TNFAIP3: variants seen among roughly 807,000 people sequenced by gnomAD.
TNFAIP3 encodes TNF alpha induced protein 3, also known as tumor necrosis factor alpha-induced protein 3.
Under a neutral mutation model 72.4 loss-of-function variants are expected in TNFAIP3, and 9 were observed. The observed-to-expected ratio is 0.12, with a 90% CI of 0.07 to 0.22. TNFAIP3 has a LOEUF of 0.22. Among genes scored for constraint, TNFAIP3 ranks in the 10% least tolerant of loss-of-function variants. The pLI, the probability that TNFAIP3 is intolerant of heterozygous loss-of-function variation, is 1.00. For missense variants in TNFAIP3, 833 were observed against 1,018.7 expected (o/e 0.82, Z 2.48); for synonymous variants, 339 against 372.6 (o/e 0.91, Z 1.04).
At chr6:137,880,005 T>C in intron 7 of TNFAIP3, 66 bp from the exon 8 acceptor site, 3 of 1,433,882 alleles carry the variant, frequency 2.1e-6, no homozygotes, top group East Asian at 4.6e-5. Context: ...ATTTCTCTAC[T>C]GTCAGCATCT....
intron 1 of TNFAIP3, among the ~76,000 whole-genome samples, chr6:137,868,568 C>T (rs973244850): frequency 1.3e-5 from 2 of 151,586 alleles, no homozygotes; most frequent in African/African-American, 4.9e-5. Flanking sequence ...ACAATGCAGA[C>T]AAAAATGTCT....
At chr6:137,869,661 C>A (rs949727295) in intron 1 of TNFAIP3, among the ~76,000 whole-genome samples, 1 of 152,132 alleles carries the variant, frequency 6.6e-6, no homozygotes, top group Non-Finnish European at 1.5e-5. Context: ...GAGTGGGCCA[C>A]AAGAATTATC....
intron 8 of TNFAIP3, among the ~76,000 whole-genome samples, chr6:137,880,486 CAA>C (rs889502025): frequency 4.6e-5 from 7 of 152,136 alleles, no homozygotes; most frequent in African/African-American, 1.7e-4. Flanking sequence ...ATTTTAAAAA[CAA>C]AGAAACACAG....
Position 137,882,734 on chromosome 6 carries a change from C to A in TNFAIP3, c.*1415C>A. On this transcript the variant is annotated 3_prime_UTR_variant, in exon 9 of 9. Coordinates refer to ENST00000612899, the MANE Select transcript of TNFAIP3 (RefSeq NM_001270508.2). ...CTGTGTCCTGGGGGGGCTGGGAAGTCCCCTGCATCCCATGGTACCCTGGTA... is the reference window on the plus strand; with the variant it reads ...CTGTGTCCTGGGGGGGCTGGGAAGTACCCTGCATCCCATGGTACCCTGGTA... The A allele has an allele frequency of 4.3e-6, 1 of 232,430 alleles. No homozygotes were observed. Among genetic ancestry groups the A allele is most frequent in the East Asian group, 6.0e-5 (1 of 16,630 alleles). 14.4% of individuals were successfully genotyped at this position (232,430 alleles called of 1,614,324 possible).
Position 137,875,978 on chromosome 6 carries a change from TTCTC to T in TNFAIP3, c.635-16_635-13del, listed in dbSNP as rs781171267. Reference sequence around the variant, plus strand: ...AGTCACCTAAGGGCCTCATTTTCCTTTCTCTTTCTTTGAACAGACAAAATGCTAA... The same window carrying T: ...AGTCACCTAAGGGCCTCATTTTCCTTTTTCTTTGAACAGACAAAATGCTAA... On this transcript the variant is annotated splice_polypyrimidine_tract_variant and intron_variant, in intron 4 of 8. Transcript: ENST00000612899. The T allele has an allele frequency of 6.8e-6, 11 of 1,608,014 alleles. No individual in the cohort carries two copies. In the African/African-American group the frequency reaches 9.4e-5, roughly 14 times the overall value.
chr6:137,879,217 T>G lies in TNFAIP3; in HGVS notation c.1772T>G (p.Leu591Arg). The change falls in exon 7 of 9, where the codon CTG (leucine) becomes CGG (arginine). Residue 591 changes from leucine to arginine, a missense_variant. Leu to Arg is a moderately radical substitution (Grantham distance 102). This residue lies in a region of TNFAIP3 where 587 missense variants were observed against 657.8 expected (regional missense o/e 0.89). Coordinates refer to ENST00000612899, the MANE Select transcript of TNFAIP3 (RefSeq NM_001270508.2). ...GGAAACGACGCCCCTGCTGGCTGCCTGTCTCAAGCTGCACGGACTCCTGGG... is the reference window on the plus strand; with the variant it reads ...GGAAACGACGCCCCTGCTGGCTGCCGGTCTCAAGCTGCACGGACTCCTGGG... ...RAGNDAPAGC[L>R]SQAARTPGDR... 6.2e-7 allele frequency: 1 copy of G among 1,614,140 alleles called. No individual in the cohort carries two copies. Among genetic ancestry groups the G allele is most frequent in the Non-Finnish European group, 8.5e-7 (1 of 1,180,020 alleles).
At chr6:137,875,973 T>C (rs765570875) in intron 4 of TNFAIP3, 23 bp from the exon 5 acceptor site, 1 of 1,607,410 alleles carries the variant, frequency 6.2e-7, no homozygotes, top group Non-Finnish European at 8.5e-7. Context: ...GGGCCTCATT[T>C]TCCTTTCTCT....
chr6:137,873,534 A>G (rs772398144), intron 2 of TNFAIP3, among the ~76,000 whole-genome samples: 7 of 152,238 alleles, frequency 4.6e-5, no homozygotes, highest in Admixed American at 1.3e-4. Flanking sequence ...CTGTTGCTCA[A>G]TTGCTAGTCA....
chr6:137,866,423 G>A (rs1323658291), upstream of TNFAIP3, among the ~76,000 whole-genome samples: 1 of 152,184 alleles, frequency 6.6e-6, no homozygotes, highest in East Asian at 1.9e-4. Flanking sequence ...TAAAGCCTTG[G>A]AGACACATGG....
chr6:137,881,533 C>T lies in TNFAIP3; in HGVS notation c.*214C>T. The T allele has an allele frequency of 2.1e-6, 1 of 469,668 alleles. No homozygotes were observed. The highest frequency in any genetic ancestry group is 3.7e-6 in the Non-Finnish European group (1 of 267,180). 29.1% of individuals were successfully genotyped at this position (469,668 alleles called of 1,614,324 possible). On this transcript the variant is annotated 3_prime_UTR_variant, in exon 9 of 9. Coordinates refer to ENST00000612899, the MANE Select transcript of TNFAIP3 (RefSeq NM_001270508.2). The surrounding 1 kb of genome is among the most constrained non-coding windows in gnomAD (Gnocchi z 5.0). ...TGGCCTTAGAAAGCAAAGCTTGTAA[C>T]TGGCAAGGGATGATGTCAGATTCAG...
chr6:137,878,334 A>G (rs527413249), intron 6 of TNFAIP3, 98 bp from the exon 7 acceptor site: 1 of 1,099,948 alleles, frequency 9.1e-7, no homozygotes, highest in Non-Finnish European at 1.3e-6. Flanking sequence ...TTCTTGCCAT[A>G]ATCCACATTC....
At chr6:137,868,587 T>A (rs1775923227) in intron 1 of TNFAIP3, among the ~76,000 whole-genome samples, 1 of 151,346 alleles carries the variant, frequency 6.6e-6, no homozygotes, top group Non-Finnish European at 1.5e-5. Context: ...CTGCCCAGAG[T>A]GGAAAAATAA....
chr6:137,880,113 G>T lies in TNFAIP3; in HGVS notation c.1949G>T (p.Arg650Met), dbSNP rs1463476564. 1 of 1,613,988 alleles carries T rather than the reference G, an allele frequency of 6.2e-7. No individual in the cohort carries two copies. The highest frequency in any genetic ancestry group is 8.5e-7 in the Non-Finnish European group (1 of 1,180,024). Residue 650 changes from arginine to methionine, a missense_variant, in exon 8 of 9, where the codon AGG (arginine) becomes ATG (methionine). Arg to Met is a moderately conservative substitution (Grantham distance 91). Coordinates refer to ENST00000612899, the MANE Select transcript of TNFAIP3 (RefSeq NM_001270508.2). ...ASGKVSPTAS[R>M]FQNTIPCLGR... is the part of the protein sequence containing the mutation. The stretch of plus-strand genomic sequence containing the variant: ...GGGAAAGTCAGTCCCACAGCGTCCA[G>T]GTTCCAGAACACCATTCCGTGCCTG...
At chr6:137,870,993 G>GT (rs1776039151) in intron 1 of TNFAIP3, among the ~76,000 whole-genome samples, 1 of 152,164 alleles carries the variant, frequency 6.6e-6, no homozygotes, top group Admixed American at 6.5e-5. Flanking sequence ...TCCTTCTCTT[G>GT]TTTAGGCTAA....
At chr6:137,878,360 T>G in intron 6 of TNFAIP3, 72 bp from the exon 7 acceptor site, 41 of 1,351,010 alleles carry the variant, frequency 3.0e-5, no homozygotes, top group Non-Finnish European at 3.6e-5. Flanking sequence ...CTTTGTTCTA[T>G]GAGCTAATGA....
In TNFAIP3 at chr6:137,871,360, C is replaced by A. The variant is rs1173941971; in HGVS notation, c.133C>A (p.Arg45=). 1.2e-6 allele frequency: 2 copies of A among 1,614,086 alleles called. No homozygotes were observed. Among genetic ancestry groups the A allele is most frequent in the Non-Finnish European group, 1.7e-6 (2 of 1,180,002 alleles). ...CATTCATCATTTTAAAACCATGCAC[C>A]GATACACACTGGAAATGTTCAGAAC... ...GIIHHFKTMH[R]YTLEMFRTCQ... is the part of the protein sequence containing the mutation. Residue 45 remains arginine, a synonymous_variant, in exon 2 of 9, where the codon CGA becomes AGA. Transcript: ENST00000612899. The surrounding 1 kb of genome is among the most constrained non-coding windows in gnomAD (Gnocchi z 4.2).
rs545000946 is a variant in TNFAIP3, at chr6:137,881,637, G to T, written c.*318G>T. 2 of 318,708 alleles carry T rather than the reference G, an allele frequency of 6.3e-6. No homozygotes were observed. Among genetic ancestry groups the T allele is most frequent in the Non-Finnish European group, 1.1e-5 (2 of 174,324 alleles). The allele number at this position is 318,708 out of a possible 1,614,324, so 19.7% of individuals were successfully genotyped here. A position where few individuals can be genotyped will look rare whatever the true frequency, so the allele number is the denominator to read the frequency against. Reference sequence around the variant, plus strand: ...GGAAGGTGTGCGGGGACTGGCCGAGGCCCCTGCACCCTGCGCATCAGGACT... The same window carrying T: ...GGAAGGTGTGCGGGGACTGGCCGAGTCCCCTGCACCCTGCGCATCAGGACT... On this transcript the variant is annotated 3_prime_UTR_variant, in exon 9 of 9. Transcript: ENST00000612899. This position sits in a 1 kb window ranked among gnomAD's most constrained non-coding sequence, Gnocchi z 5.0.
intron 8 of TNFAIP3, among the ~76,000 whole-genome samples, chr6:137,880,792 A>T (rs918462449): frequency 6.6e-6 from 1 of 152,116 alleles, no homozygotes; most frequent in South Asian, 2.1e-4. Flanking sequence ...TTGCAGGCCA[A>T]CTTAGGCTTG....
chr6:137,873,129 C>A (rs189865244), intron 2 of TNFAIP3, among the ~76,000 whole-genome samples: 1 of 152,226 alleles, frequency 6.6e-6, no homozygotes, highest in East Asian at 1.9e-4. Context: ...TGTTTCTTCA[C>A]TTTCAAGAAA....
Sources: allele counts gnomAD v4.1 joint callset (sites outside exome capture counted in the v4.1 genomes callset), GRCh38; gene constraint gnomAD v4.1.1; regional missense constraint gnomAD v4.1.1; non-coding constraint Gnocchi (gnomAD v3.1); transcripts MANE v1.5; gene names NCBI Gene and HGNC (gene_info 2026-07-23, HGNC 2026-07-21).